TACR3: variants seen among roughly 807,000 people sequenced by gnomAD.
TACR3 encodes the protein neuromedin-K receptor.
Under a neutral mutation model 35.0 loss-of-function variants are expected in TACR3, and 34 were observed. That is an observed-to-expected ratio of 0.97 (90% confidence interval 0.74 to 1.30). TACR3 has a LOEUF of 1.30. Ranked by LOEUF, TACR3 falls within the 50% of genes most tolerant of loss-of-function variation. TACR3 has a pLI of 0.00. For missense variants in TACR3, 558 were observed against 591.7 expected (o/e 0.94, Z 0.59); for synonymous variants, 233 against 221.1 (o/e 1.05, Z -0.48).
intron 1 of TACR3, among the ~76,000 whole-genome samples, chr4:103,682,534 A>G (rs1481772501): frequency 6.6e-6 from 1 of 152,048 alleles, no homozygotes; most frequent in East Asian, 1.9e-4. Flanking sequence ...AACCACCCCC[A>G]TGATTCAATC....
chr4:103,654,494 C>A (rs10020485), intron 3 of TACR3, among the ~76,000 whole-genome samples: 59,377 of 135,966 alleles, frequency 0.44, 15,315 homozygotes, highest in African/African-American at 0.75. Context: ...GGAACTGAAC[C>A]ATGAGAACAG....
At chr4:103,645,520 T>A (rs1482455365) in intron 3 of TACR3, among the ~76,000 whole-genome samples, 1 of 151,956 alleles carries the variant, frequency 6.6e-6, no homozygotes, top group Non-Finnish European at 1.5e-5. Context: ...CACAAAAAAC[T>A]ATAGAAAACC....
At chr4:103,592,991 A>C (rs1000885677) in intron 3 of TACR3, among the ~76,000 whole-genome samples, 1 of 152,202 alleles carries the variant, frequency 6.6e-6, no homozygotes, top group African/African-American at 2.4e-5. Context: ...AAATGTCATC[A>C]CTGGCCACAT....
intron 1 of TACR3, among the ~76,000 whole-genome samples, chr4:103,690,125 C>T (rs1226468554): frequency 6.6e-6 from 1 of 152,016 alleles, no homozygotes; most frequent in East Asian, 1.9e-4. Flanking sequence ...AAATAAATTG[C>T]AAGACAAACG....
At chr4:103,594,561 A>G (rs1723964236) in intron 3 of TACR3, among the ~76,000 whole-genome samples, 1 of 152,182 alleles carries the variant, frequency 6.6e-6, no homozygotes, top group South Asian at 2.1e-4. Context: ...ATCTTTGAGA[A>G]TGTTAACATA....
chr4:103,627,352 TAA>T (rs869215834), intron 3 of TACR3, among the ~76,000 whole-genome samples: 4 of 82,484 alleles, frequency 4.8e-5, no homozygotes, highest in South Asian at 3.8e-4. Context: ...GTGTTTCCAT[TAA>T]AAAAAAAAAA....
rs138645733 is a variant in TACR3 at position 103,646,546 on chromosome 4, A to G, written c.888+9648T>C. 5.4e-4 allele frequency among the ~76,000 whole-genome samples: 82 copies of G among 152,066 alleles called. No homozygotes were observed. The East Asian group carries it at 0.013, about 24-fold the overall frequency. On this transcript the variant is annotated intron_variant, in intron 3 of 4. Transcript: ENST00000304883. Reference sequence around the variant, plus strand: ...TCTCTTTCCATCTTGCTAATTAGTCATTGGTCTTGTAGCATTTATGTTGTA... The same window carrying G: ...TCTCTTTCCATCTTGCTAATTAGTCGTTGGTCTTGTAGCATTTATGTTGTA...
chr4:103,592,794 G>A (rs1295219369), intron 3 of TACR3, among the ~76,000 whole-genome samples: 1 of 152,146 alleles, frequency 6.6e-6, no homozygotes, highest in Non-Finnish European at 1.5e-5. Flanking sequence ...GCAAATTAGG[G>A]ATTCAGATGA....
chr4:103,648,552 T>C (rs1240528671), intron 3 of TACR3, among the ~76,000 whole-genome samples: 26 of 152,086 alleles, frequency 1.7e-4, no homozygotes, highest in Admixed American at 1.7e-3. Flanking sequence ...CATCTTTCTG[T>C]GCCTGGCTTA....
chr4:103,637,783 A>C (rs1357845258), intron 3 of TACR3, among the ~76,000 whole-genome samples: 2 of 152,162 alleles, frequency 1.3e-5, no homozygotes, highest in African/African-American at 2.4e-5. Flanking sequence ...AAGCATTCTT[A>C]TACACCAATA....
intron 3 of TACR3, among the ~76,000 whole-genome samples, chr4:103,645,213 T>C (rs973727491): frequency 3.3e-5 from 5 of 151,924 alleles, no homozygotes; most frequent in Non-Finnish European, 7.4e-5. Flanking sequence ...TATTGTTATA[T>C]TGATCACTAA....
At chr4:103,685,193 T>A (rs562229162) in intron 1 of TACR3, among the ~76,000 whole-genome samples, 1 of 151,750 alleles carries the variant, frequency 6.6e-6, no homozygotes, top group Non-Finnish European at 1.5e-5. Context: ...GGATTTGGAG[T>A]CTAGAAACAG....
chr4:103,694,127 T>A (rs551201516), intron 1 of TACR3, among the ~76,000 whole-genome samples: 1 of 150,974 alleles, frequency 6.6e-6, no homozygotes, highest in African/African-American at 2.5e-5. Flanking sequence ...TTCAGAAGCC[T>A]TTTTTTCCCT....
intron 3 of TACR3, among the ~76,000 whole-genome samples, chr4:103,638,042 A>C (rs369483495): frequency 1.5e-4 from 23 of 152,238 alleles, no homozygotes; most frequent in Non-Finnish European, 2.6e-4. Context: ...TCAATGCCAT[A>C]CCCATGAAGC....
chr4:103,653,016 A>AT (rs1172469419), intron 3 of TACR3, among the ~76,000 whole-genome samples: 1 of 152,138 alleles, frequency 6.6e-6, no homozygotes, highest in Non-Finnish European at 1.5e-5. Flanking sequence ...CAATATGCAT[A>AT]TTAGTGCCTA....
At chr4:103,594,453 A>C (rs1723962071) in intron 3 of TACR3, among the ~76,000 whole-genome samples, 1 of 152,174 alleles carries the variant, frequency 6.6e-6, no homozygotes. Flanking sequence ...CTGGGATTAC[A>C]GGTGTGAGAC....
intron 1 of TACR3, among the ~76,000 whole-genome samples, chr4:103,684,975 T>C (rs1035186456): frequency 1.4e-5 from 2 of 147,468 alleles, no homozygotes; most frequent in Non-Finnish European, 3.0e-5. Flanking sequence ...AGAGCAAGGC[T>C]CCATCTCAAA....
In TACR3 at chr4:103,591,662, C is replaced by G; in HGVS notation, c.910G>C (p.Val304Leu). The G allele has an allele frequency of 6.2e-7, 1 of 1,612,982 alleles. No homozygotes were observed. Among genetic ancestry groups the G allele is most frequent in the Non-Finnish European group, 8.5e-7 (1 of 1,179,624 alleles). The change falls in exon 4 of 5, where the codon GTT becomes CTT. Residue 304 changes from valine (V) to leucine (L), a missense_variant. Coordinates refer to ENST00000304883, the MANE Select transcript of TACR3 (RefSeq NM_001059.3). ...CAGCAGATAGCAAATGTCATGACAA[C>G]AATAATCATCATTTTGACAACCTAT... ...KRKVVKMMII[V>L]VMTFAICWLP... is the part of the protein sequence containing the mutation.
intron 1 of TACR3, among the ~76,000 whole-genome samples, chr4:103,684,996 T>TAAATAAAC (rs1386606503): frequency 7.7e-6 from 1 of 129,212 alleles, no homozygotes; most frequent in African/African-American, 3.5e-5. Context: ...ATTAAATAAA[T>TAAATAAAC]AAATAAATAA....
Sources: gnomAD v4.1 joint callset for allele counts (sites outside exome capture counted in the v4.1 genomes callset) on GRCh38, gnomAD v4.1.1 for gene constraint, MANE v1.5 for transcripts, NCBI Gene and HGNC (gene_info 2026-07-23, HGNC 2026-07-21) for gene names.